Variants in LTBP1 observed in about 807,000 individuals in gnomAD.
LTBP1 encodes the protein latent transforming growth factor beta binding protein 1.
LTBP1 carries 129 observed loss-of-function variants against 207.6 expected under a neutral mutation model. That is an observed-to-expected ratio of 0.62 (90% CI 0.54 to 0.72). The LOEUF is 0.72. Among genes scored for constraint, LTBP1 ranks in the 30% least tolerant of loss-of-function variants. The probability of loss-of-function intolerance (pLI) is 0.00; values close to 1 mark genes in which losing one functional copy is unlikely to be tolerated. For missense variants in LTBP1, 2,281 were observed against 2,217.2 expected, an observed-to-expected ratio of 1.03 and a Z score of -0.58; for synonymous variants, 963 against 833.7, an observed-to-expected ratio of 1.16 and a Z score of -2.67.
intron 5 of LTBP1, among the ~76,000 whole-genome samples, chr2:33,163,055 C>T (rs954723905): frequency 3.3e-5 from 5 of 152,206 alleles, no homozygotes; most frequent in East Asian, 1.9e-4. Context: ...GATCTCGGCT[C>T]ACTGCAACTT....
intron 20 of LTBP1, among the ~76,000 whole-genome samples, chr2:33,299,055 C>T (rs534617401): frequency 1.3e-5 from 2 of 152,154 alleles, no homozygotes; most frequent in East Asian, 3.9e-4. Flanking sequence ...GCAGGCGGAT[C>T]ATGAGGTCAA....
At chr2:33,152,407 C>A (rs1293566356) in intron 5 of LTBP1, among the ~76,000 whole-genome samples, 4 of 152,118 alleles carry the variant, frequency 2.6e-5, no homozygotes, top group Admixed American at 6.5e-5. Flanking sequence ...ATTAAAAAAT[C>A]AAAAAACAGT....
At chr2:33,324,822 CT>C (rs1261614136) in intron 24 of LTBP1, among the ~76,000 whole-genome samples, 1 of 151,782 alleles carries the variant, frequency 6.6e-6, no homozygotes, top group Non-Finnish European at 1.5e-5. Flanking sequence ...CTGCCTCACC[CT>C]CCTGAGTAGC....
intron 3 of LTBP1, among the ~76,000 whole-genome samples, chr2:33,074,593 G>A (rs993604654): frequency 2.0e-5 from 3 of 152,094 alleles, no homozygotes; most frequent in Non-Finnish European, 2.9e-5. Context: ...ATTAGGGCTG[G>A]GCACAGTGGC....
chr2:33,388,011 A>G (rs1019895792), intron 31 of LTBP1, among the ~76,000 whole-genome samples: 1 of 152,316 alleles, frequency 6.6e-6, no homozygotes, highest in African/African-American at 2.4e-5. Flanking sequence ...ACCAACTGCT[A>G]GATGTATCTT....
chr2:33,018,807 C>T (rs1688750265), intron 2 of LTBP1, among the ~76,000 whole-genome samples: 1 of 152,138 alleles, frequency 6.6e-6, no homozygotes, highest in Non-Finnish European at 1.5e-5. Flanking sequence ...CCCAAACACA[C>T]ACAAGTGCAG....
chr2:33,236,803 G>T (rs1477839993), intron 9 of LTBP1, among the ~76,000 whole-genome samples: 1 of 152,208 alleles, frequency 6.6e-6, no homozygotes, highest in East Asian at 1.9e-4. Flanking sequence ...AAGACCAACA[G>T]AGTAAGTGTG....
intron 3 of LTBP1, among the ~76,000 whole-genome samples, chr2:33,087,935 C>T (rs981592734): frequency 6.6e-6 from 1 of 152,130 alleles, no homozygotes; most frequent in African/African-American, 2.4e-5. Flanking sequence ...AGGGCTTGGA[C>T]TGATGTTGTC....
chr2:33,114,454 A>G (rs943755970), intron 4 of LTBP1, among the ~76,000 whole-genome samples: 2 of 152,160 alleles, frequency 1.3e-5, no homozygotes, highest in Non-Finnish European at 2.9e-5. Flanking sequence ...CTCTCAATCC[A>G]CTGAAAACAT....
At chr2:33,359,130 AC>A (rs969325776) in intron 26 of LTBP1, among the ~76,000 whole-genome samples, 23 of 152,344 alleles carry the variant, frequency 1.5e-4, no homozygotes, top group African/African-American at 5.1e-4. Context: ...ATGCTGACTT[AC>A]AGTCCAAGCT....
chr2:33,314,639 A>G (rs962573618), intron 23 of LTBP1, among the ~76,000 whole-genome samples: 3 of 152,210 alleles, frequency 2.0e-5, no homozygotes, highest in African/African-American at 7.2e-5. Context: ...TCATTTATAT[A>G]TTCAGCAGAC....
chr2:33,108,019 A>G (rs886635730), intron 3 of LTBP1, among the ~76,000 whole-genome samples: 9 of 152,238 alleles, frequency 5.9e-5, no homozygotes, highest in African/African-American at 2.2e-4. Flanking sequence ...GAGGATATGT[A>G]TTTGTAAGAC....
At chr2:33,268,870 T>G (rs753986323) in intron 15 of LTBP1, among the ~76,000 whole-genome samples, 49 of 152,212 alleles carry the variant, frequency 3.2e-4, no homozygotes, top group Non-Finnish European at 1.8e-4. Context: ...CAGAAATTAT[T>G]CTTTGACTGA....
intron 17 of LTBP1, 51 bp downstream of exon 17, chr2:33,275,141 A>G (rs964974617): frequency 2.7e-5 from 44 of 1,606,046 alleles, no homozygotes; most frequent in Non-Finnish European, 3.7e-5. Context: ...GAGTTTTTAG[A>G]TCCCCTAAGA....
At position 33,188,815 on chromosome 2, in the gene LTBP1, G is replaced by C. The variant is rs2087503255; in HGVS notation, c.1665G>C (p.Gln555His). Residue 555 changes from glutamine to histidine, a missense_variant, in exon 7 of 34, where the codon CAG becomes CAC. By Grantham distance (24) the Gln-to-His change is conservative. Around this residue, in one of 3 missense-constraint regions of LTBP1, gnomAD observed 1,671 missense variants for 1,634.8 expected, o/e 1.02. Coordinates refer to ENST00000404816, the MANE Select transcript of LTBP1 (RefSeq NM_206943.4). ...TCTACCCCGTGGCTGCTAAGACACA[G>C]CTTGGCCGGTGCTTCCAGGAAACCA... ...PHVYPVAAKTQLGRCFQETIG... is the reference protein window; with the variant it reads ...PHVYPVAAKTHLGRCFQETIG... 20 of 1,614,188 alleles carry C rather than the reference G, an allele frequency of 1.2e-5. No individual in the cohort carries two copies. The highest frequency in any genetic ancestry group is 1.7e-5 in the Non-Finnish European group (20 of 1,180,028).
Position 33,207,562 on chromosome 2 carries a change from A to G in LTBP1, c.1702-9990A>G, listed in dbSNP as rs558557041. Among the ~76,000 whole-genome samples the G allele has an allele frequency of 3.3e-5, 5 of 152,320 alleles. No homozygotes were observed. In the South Asian group the frequency reaches 6.2e-4, roughly 19 times the overall value. ...AGAATGTTCTGCTCAAGCCAAAGCA[A>G]ATTTTTTTACAAGTTCTCTTAGAAA... On this transcript the variant is annotated intron_variant, in intron 7 of 33. Coordinates refer to ENST00000404816, the MANE Select transcript of LTBP1 (RefSeq NM_206943.4).
At chr2:33,012,334 G>C (rs1425490902) in intron 2 of LTBP1, among the ~76,000 whole-genome samples, 1 of 151,824 alleles carries the variant, frequency 6.6e-6, no homozygotes, top group African/African-American at 2.4e-5. Context: ...CCTCTTGTAC[G>C]TGTCTGCTCA....
At chr2:33,028,984 T>C (rs2075562229) in intron 3 of LTBP1, among the ~76,000 whole-genome samples, 1 of 152,208 alleles carries the variant, frequency 6.6e-6, no homozygotes, top group Non-Finnish European at 1.5e-5. Flanking sequence ...TAAATATTGA[T>C]ATGAACCTTG....
chr2:33,311,197 C>G (rs3769546), intron 23 of LTBP1, among the ~76,000 whole-genome samples: 1 of 152,052 alleles, frequency 6.6e-6, no homozygotes, highest in Non-Finnish European at 1.5e-5. Context: ...ATGAAAAACA[C>G]GGACCTTTGC....
Sources: allele counts gnomAD v4.1 joint callset (sites outside exome capture counted in the v4.1 genomes callset), GRCh38; gene constraint gnomAD v4.1.1; regional missense constraint gnomAD v4.1.1; transcripts MANE v1.5; gene names NCBI Gene and HGNC (gene_info 2026-07-23, HGNC 2026-07-21).